The following ULK4 variants were observed in gnomAD, a reference collection of about 807,000 sequenced individuals.
ULK4 encodes inactive serine/threonine-protein kinase ULK4.
A neutral mutation model predicts 160.6 loss-of-function variants in ULK4; 133 were observed. The observed-to-expected ratio is 0.83, with a 90% CI of 0.72 to 0.96. ULK4 has a LOEUF of 0.96. Among genes scored for constraint, ULK4 ranks in the 40% least tolerant of loss-of-function variants. The pLI is 0.00. For missense variants in ULK4, 1,580 were observed against 1,499.5 expected (o/e 1.05, Z -0.89); for synonymous variants, 534 against 539.8 (o/e 0.99, Z 0.15).
Position 41,741,272 on chromosome 3 carries a change from A to C in ULK4, c.2321+13089T>G, listed in dbSNP as rs555584866. 6.9e-4 allele frequency among the ~76,000 whole-genome samples: 105 copies of C among 152,092 alleles called. 2 individuals carry two copies. Among genetic ancestry groups the C allele is most frequent in the African/African-American group, 2.5e-3 (102 of 41,358 alleles). On this transcript the variant is annotated intron_variant, in intron 22 of 36. Transcript: ENST00000301831. ...ATAACCAATTTGGTATTATTCTTCC[A>C]TATGCATTTTTTAACGAAATTGTAT...
chr3:41,498,991 A>G (rs2085093862), intron 32 of ULK4, among the ~76,000 whole-genome samples: 2 of 152,346 alleles, frequency 1.3e-5, no homozygotes, highest in African/African-American at 4.8e-5. Flanking sequence ...CTATTCTTCA[A>G]TAAAAAGGAG....
In ULK4 at chr3:41,835,981, C is replaced by CAAA. The variant is rs58776901; in HGVS notation, c.1657-13_1657-11dup. On this transcript the variant is annotated splice_polypyrimidine_tract_variant and intron_variant, in intron 17 of 36. Transcript: ENST00000301831. ...TTAAGAGAACAATTGCCTGCAAAGA[C>CAAA]AAAAAAAAAAAAAGTAAATTATTTC... is the stretch of plus-strand genomic sequence containing the variant. 148,450 of 1,153,202 alleles carry CAAA rather than the reference C, an allele frequency of 0.13. 8,599 individuals are homozygous for CAAA. Among genetic ancestry groups the CAAA allele is most frequent in the African/African-American group, 0.5 (29,037 of 57,990 alleles). 71.4% of individuals were successfully genotyped at this position (1,153,202 alleles called of 1,614,324 possible).
At chr3:41,601,574 G>C (rs573679472) in intron 31 of ULK4, among the ~76,000 whole-genome samples, 1 of 152,190 alleles carries the variant, frequency 6.6e-6, no homozygotes, top group African/African-American at 2.4e-5. Flanking sequence ...CTCAGCCACA[G>C]AATCAAGGTT....
At chr3:41,946,324 T>G (rs901933847) in intron 2 of ULK4, among the ~76,000 whole-genome samples, 4 of 151,962 alleles carry the variant, frequency 2.6e-5, no homozygotes, top group African/African-American at 7.3e-5. Flanking sequence ...TTACTTGAGG[T>G]TCAAGAACAG....
At chr3:41,341,363 A>G (rs1246394162) in intron 35 of ULK4, among the ~76,000 whole-genome samples, 1 of 152,200 alleles carries the variant, frequency 6.6e-6, no homozygotes, top group Non-Finnish European at 1.5e-5. Context: ...TTTTTACTTC[A>G]GGGTGGATAA....
intron 12 of ULK4, 24 bp from the exon 13 acceptor site, chr3:41,900,853 C>T: frequency 6.3e-7 from 1 of 1,575,680 alleles, no homozygotes; most frequent in Non-Finnish European, 8.7e-7. Context: ...AAAAATTAGA[C>T]TTTGTTTCTG....
intron 35 of ULK4, among the ~76,000 whole-genome samples, chr3:41,370,902 T>A (rs1327737798): frequency 6.6e-6 from 1 of 152,164 alleles, no homozygotes; most frequent in Admixed American, 6.5e-5. Context: ...TGGCTTGAAA[T>A]TCTTACTGAC....
At chr3:41,657,991 G>T (rs1040866439) in intron 30 of ULK4, among the ~76,000 whole-genome samples, 10 of 151,960 alleles carry the variant, frequency 6.6e-5, no homozygotes, top group Non-Finnish European at 1.5e-4. Context: ...TACAAAAATT[G>T]ACCATATATT....
At chr3:41,684,684 C>A (rs893787921) in intron 27 of ULK4, among the ~76,000 whole-genome samples, 2 of 152,202 alleles carry the variant, frequency 1.3e-5, no homozygotes, top group African/African-American at 4.8e-5. Flanking sequence ...AGAGTAAATT[C>A]TTGGGGACCA....
intron 35 of ULK4, among the ~76,000 whole-genome samples, chr3:41,279,276 C>A (rs7432801): frequency 0.14 from 9,968 of 71,338 alleles, 1,023 homozygotes; most frequent in African/African-American, 0.49. Flanking sequence ...AAAAAAAAAA[C>A]AAAACGACAA....
At chr3:41,644,857 G>A (rs2034406440) in intron 30 of ULK4, among the ~76,000 whole-genome samples, 1 of 152,144 alleles carries the variant, frequency 6.6e-6, no homozygotes, top group South Asian at 2.1e-4. Context: ...ATTGATTATT[G>A]CCACAATTTC....
intron 1 of ULK4, among the ~76,000 whole-genome samples, chr3:41,961,550 ACC>A (rs201424516): frequency 5.6e-5 from 7 of 124,706 alleles, no homozygotes; most frequent in African/African-American, 3.0e-4. Flanking sequence ...GTAGTCACTC[ACC>A]CCCCCCCCCC....
At position 41,900,783 on chromosome 3, in the gene ULK4, C is replaced by G; in HGVS notation, c.1229G>C (p.Arg410Thr). The change falls in exon 13 of 37, where the codon AGA becomes ACA. Residue 410 changes from arginine (R) to threonine (T), a missense_variant. Physicochemically the swap from Arg to Thr is moderately conservative, Grantham distance 71 (BLOSUM62 -1). Transcript: ENST00000301831. ...LSQQDLESQM[R>T]ELIYTDSDLV... ...ATCTGAGTCCGTGTAGATAAGCTCTCTCATCTGGGATTCCAGGTCCTGCTG... is the reference window on the plus strand; with the variant it reads ...ATCTGAGTCCGTGTAGATAAGCTCTGTCATCTGGGATTCCAGGTCCTGCTG... 4 of 1,613,646 alleles carry G rather than the reference C, an allele frequency of 2.5e-6. No homozygotes were observed. The highest frequency in any genetic ancestry group is 2.5e-6 in the Non-Finnish European group (3 of 1,179,712).
chr3:41,818,971 A>C (rs1325323337), intron 19 of ULK4, among the ~76,000 whole-genome samples: 1 of 152,210 alleles, frequency 6.6e-6, no homozygotes, highest in Non-Finnish European at 1.5e-5. Flanking sequence ...CACGTAATAA[A>C]TACTACTTAA....
At chr3:41,338,945 C>G (rs2080624932) in intron 35 of ULK4, among the ~76,000 whole-genome samples, 2 of 151,868 alleles carry the variant, frequency 1.3e-5, no homozygotes, top group Non-Finnish European at 2.9e-5. Flanking sequence ...TATTCAGGCC[C>G]TCAATGGATT....
chr3:41,732,820 A>G (rs2125867315), intron 22 of ULK4, among the ~76,000 whole-genome samples: 1 of 152,316 alleles, frequency 6.6e-6, no homozygotes, highest in East Asian at 1.9e-4. Context: ...GTCATTTGCA[A>G]TAACATGAAT....
intron 21 of ULK4, among the ~76,000 whole-genome samples, chr3:41,763,433 G>A (rs1475712398): frequency 1.3e-5 from 2 of 152,114 alleles, no homozygotes; most frequent in Non-Finnish European, 2.9e-5. Context: ...CAAGAAAAAA[G>A]GGGAGATAGC....
chr3:41,438,083 G>GT (rs1366386519), intron 34 of ULK4, among the ~76,000 whole-genome samples: 1 of 140,648 alleles, frequency 7.1e-6, no homozygotes, highest in Admixed American at 7.4e-5. Context: ...TCATATTCTG[G>GT]TTTTTTAAAA....
At chr3:41,527,933 C>G (rs1353651076) in intron 32 of ULK4, among the ~76,000 whole-genome samples, 1 of 152,038 alleles carries the variant, frequency 6.6e-6, no homozygotes, top group Non-Finnish European at 1.5e-5. Flanking sequence ...AAATTTGACC[C>G]TGGAGGACCA....
Sources: gnomAD v4.1 joint callset for allele counts (sites outside exome capture counted in the v4.1 genomes callset) on GRCh38, gnomAD v4.1.1 for gene constraint, MANE v1.5 for transcripts, NCBI Gene and HGNC (gene_info 2026-07-23, HGNC 2026-07-21) for gene names.